ATP8A2: variants seen among roughly 807,000 people sequenced by gnomAD.
ATP8A2 encodes ATPase phospholipid transporting 8A2.
ATP8A2 carries 100 observed loss-of-function variants against 165.6 expected under a neutral mutation model. That is an observed-to-expected ratio of 0.60 (90% CI 0.51 to 0.71). The LOEUF is 0.71. Ranked by LOEUF, ATP8A2 falls within the 30% of genes least tolerant of loss-of-function variation. ATP8A2 has a pLI of 0.00. For synonymous variants in ATP8A2, 543 were observed against 548.8 expected, an observed-to-expected ratio of 0.99 and a Z score of 0.15; for missense variants, 1,227 against 1,479.5, an observed-to-expected ratio of 0.83 and a Z score of 2.80.
chr13:25,414,231 C>T (rs1459203915), intron 1 of ATP8A2, among the ~76,000 whole-genome samples: 1 of 149,690 alleles, frequency 6.7e-6, no homozygotes, highest in African/African-American at 2.5e-5. Context: ...CGCTCTGTCG[C>T]CCAGGCTGGA....
intron 2 of ATP8A2, among the ~76,000 whole-genome samples, chr13:25,499,008 G>A (rs1305349885): frequency 3.3e-5 from 5 of 152,106 alleles, no homozygotes; most frequent in African/African-American, 4.8e-5. Context: ...TGGACACTTC[G>A]GTTAAGGAAA....
intron 15 of ATP8A2, 109 bp from the exon 16 acceptor site, chr13:25,563,847 C>T: frequency 4.5e-6 from 3 of 659,916 alleles, no homozygotes; most frequent in South Asian, 1.9e-5. Context: ...AATGTGAATC[C>T]CTATAGGACT....
At chr13:25,682,436 G>T (rs1259230369) in intron 24 of ATP8A2, among the ~76,000 whole-genome samples, 3 of 152,104 alleles carry the variant, frequency 2.0e-5, no homozygotes, top group African/African-American at 7.2e-5. Flanking sequence ...TTTCTTAGTT[G>T]GTGCATTGCT....
chr13:25,389,057 C>T (rs1044985188), intron 1 of ATP8A2, among the ~76,000 whole-genome samples: 2 of 152,110 alleles, frequency 1.3e-5, no homozygotes, highest in Admixed American at 6.5e-5. Flanking sequence ...ATTAAATTAC[C>T]TGTTATAAGG....
intron 24 of ATP8A2, among the ~76,000 whole-genome samples, chr13:25,631,603 C>T (rs182437474): frequency 6.6e-6 from 1 of 152,186 alleles, no homozygotes; most frequent in East Asian, 1.9e-4. Flanking sequence ...TGACCTCCTA[C>T]TTCATTCACA....
chr13:25,400,229 G>C (rs1338659378), intron 1 of ATP8A2, among the ~76,000 whole-genome samples: 1 of 152,124 alleles, frequency 6.6e-6, no homozygotes, highest in Non-Finnish European at 1.5e-5. Flanking sequence ...CTGGTTTCTT[G>C]GTGCTTCTGA....
chr13:25,789,078 G>A (rs2138393350), intron 27 of ATP8A2, among the ~76,000 whole-genome samples: 1 of 152,246 alleles, frequency 6.6e-6, no homozygotes, highest in East Asian at 1.9e-4. Context: ...AATTGAGGAT[G>A]GATGTGTGGT....
intron 33 of ATP8A2, among the ~76,000 whole-genome samples, chr13:25,903,846 T>C (rs1243280397): frequency 6.6e-6 from 1 of 152,204 alleles, no homozygotes; most frequent in African/African-American, 2.4e-5. Context: ...CCACACACAT[T>C]CACACAATGT....
At chr13:25,973,468 A>G (rs1171798181) in intron 35 of ATP8A2, among the ~76,000 whole-genome samples, 2 of 152,140 alleles carry the variant, frequency 1.3e-5, no homozygotes, top group Non-Finnish European at 2.9e-5. Flanking sequence ...TCTGCCGAAA[A>G]ATAGGAACAG....
rs1245907382 is a variant in ATP8A2 at position 25,860,254 on chromosome 13, A to G, written c.3016A>G (p.Thr1006Ala). Residue 1006 changes from threonine (T) to alanine (A), a missense_variant and splice_region_variant, in exon 31 of 37, where the codon ACA (threonine) becomes GCA (alanine). Coordinates refer to ENST00000381655, the MANE Select transcript of ATP8A2 (RefSeq NM_016529.6). Reference sequence around the variant, plus strand: ...TTTATTTGTTGGAAATATTGTTTACACAGTAAGTTTATCTCTGTTTATTAA... The same window carrying G: ...TTTATTTGTTGGAAATATTGTTTACGCAGTAAGTTTATCTCTGTTTATTAA... ...DYLFVGNIVY[T>A]YVVVTVCLKA... The G allele has an allele frequency of 6.2e-7, 1 of 1,605,970 alleles. No individual in the cohort carries two copies. Among genetic ancestry groups the G allele is most frequent in the Non-Finnish European group, 8.5e-7 (1 of 1,173,062 alleles).
At chr13:25,878,959 C>A (rs1287977111) in intron 33 of ATP8A2, among the ~76,000 whole-genome samples, 2 of 152,172 alleles carry the variant, frequency 1.3e-5, no homozygotes, top group African/African-American at 4.8e-5. Flanking sequence ...TTGTGTGTCC[C>A]AGCATTTATA....
intron 1 of ATP8A2, among the ~76,000 whole-genome samples, chr13:25,459,335 C>T (rs1047820546): frequency 2.0e-5 from 3 of 152,206 alleles, no homozygotes; most frequent in African/African-American, 4.8e-5. Context: ...TAGTTGCAGA[C>T]TAAATTTAAA....
intron 24 of ATP8A2, among the ~76,000 whole-genome samples, chr13:25,610,620 A>G (rs1426364183): frequency 6.6e-6 from 1 of 152,036 alleles, no homozygotes; most frequent in Non-Finnish European, 1.5e-5. Flanking sequence ...TTCCATGTGA[A>G]TTTTAGGACT....
chr13:25,561,509 C>T (rs924097219), intron 15 of ATP8A2, among the ~76,000 whole-genome samples: 1 of 152,066 alleles, frequency 6.6e-6, no homozygotes, highest in Non-Finnish European at 1.5e-5. Context: ...CTCTGCCCTC[C>T]TCTCCCACCC....
chr13:25,420,956 A>T (rs938515370), intron 1 of ATP8A2, among the ~76,000 whole-genome samples: 7 of 152,164 alleles, frequency 4.6e-5, no homozygotes, highest in East Asian at 1.9e-4. Context: ...CTTCCATGGG[A>T]TGTCTTCCTG....
At chr13:25,805,616 A>G (rs1950717324) in intron 27 of ATP8A2, among the ~76,000 whole-genome samples, 1 of 152,240 alleles carries the variant, frequency 6.6e-6, no homozygotes, top group African/African-American at 2.4e-5. Flanking sequence ...CTTGCTTTGG[A>G]AATCTCTACA....
intron 33 of ATP8A2, among the ~76,000 whole-genome samples, chr13:25,905,332 G>A (rs772935100): frequency 6.6e-6 from 1 of 151,916 alleles, no homozygotes; most frequent in African/African-American, 2.4e-5. Flanking sequence ...CTTCCTCTCC[G>A]AATTTAGTTT....
At chr13:25,795,953 T>C (rs1950490543) in intron 27 of ATP8A2, among the ~76,000 whole-genome samples, 1 of 146,270 alleles carries the variant, frequency 6.8e-6, no homozygotes, top group Non-Finnish European at 1.5e-5. Context: ...TAACATATCT[T>C]TTTTTTTTTT....
chr13:25,479,004 T>C (rs2137568162), intron 2 of ATP8A2, among the ~76,000 whole-genome samples: 1 of 152,198 alleles, frequency 6.6e-6, no homozygotes, highest in African/African-American at 2.4e-5. Flanking sequence ...CGTGCCACCA[T>C]GCCTGGCTAA....
Sources: allele counts gnomAD v4.1 joint callset (sites outside exome capture counted in the v4.1 genomes callset), GRCh38; gene constraint gnomAD v4.1.1; transcripts MANE v1.5; gene names NCBI Gene and HGNC (gene_info 2026-07-23, HGNC 2026-07-21).